SCAMP1: variants seen among roughly 807,000 people sequenced by gnomAD.
SCAMP1 encodes the protein secretory carrier membrane protein 1.
A neutral mutation model predicts 41.8 loss-of-function variants in SCAMP1; 15 were observed. The ratio of observed to expected loss-of-function variants is 0.36; its 90% CI spans 0.24 to 0.55. SCAMP1 has a LOEUF of 0.55. Among genes scored for constraint, SCAMP1 ranks in the 20% least tolerant of loss-of-function variants. SCAMP1 has a pLI of 0.86. For missense variants in SCAMP1, 341 were observed against 412.6 expected (o/e 0.83, Z 1.50); for synonymous variants, 135 against 136.8 (o/e 0.99, Z 0.09).
At chr5:78,428,339 T>C (rs1483361404) in intron 6 of SCAMP1, among the ~76,000 whole-genome samples, 1 of 152,180 alleles carries the variant, frequency 6.6e-6, no homozygotes, top group Non-Finnish European at 1.5e-5. Flanking sequence ...TTTTTGTACT[T>C]CTGTTGAAAA....
intron 6 of SCAMP1, among the ~76,000 whole-genome samples, chr5:78,442,929 G>T (rs1432899518): frequency 1.3e-5 from 2 of 152,178 alleles, no homozygotes; most frequent in African/African-American, 4.8e-5. Flanking sequence ...GCTTAAGGCT[G>T]GGTGCCATGG....
chr5:78,416,332 C>T (rs1031273352), intron 3 of SCAMP1, among the ~76,000 whole-genome samples: 10 of 152,150 alleles, frequency 6.6e-5, no homozygotes, highest in African/African-American at 2.4e-4. Context: ...ACCCAACATT[C>T]CCACTGAGAG....
chr5:78,466,990 G>T (rs1382731943), intron 8 of SCAMP1, among the ~76,000 whole-genome samples: 3 of 152,126 alleles, frequency 2.0e-5, no homozygotes, highest in Non-Finnish European at 4.4e-5. Flanking sequence ...TTAGATGATG[G>T]ACCATTCAAG....
At chr5:78,475,384 C>T in intron 8 of SCAMP1, 120 bp from the exon 9 acceptor site, 1 of 611,374 alleles carries the variant, frequency 1.6e-6, no homozygotes, top group Admixed American at 4.0e-5. Context: ...TATTCTTGAT[C>T]TTAGGAATCA....
intron 6 of SCAMP1, among the ~76,000 whole-genome samples, chr5:78,435,232 GT>G (rs1382559705): frequency 6.6e-6 from 1 of 151,946 alleles, no homozygotes; most frequent in African/African-American, 2.4e-5. Flanking sequence ...CAATATGAAG[GT>G]TTTTTTTAAT....
At chr5:78,391,291 C>G (rs1241264468) in intron 2 of SCAMP1, among the ~76,000 whole-genome samples, 2 of 150,514 alleles carry the variant, frequency 1.3e-5, no homozygotes, top group Non-Finnish European at 3.0e-5. Context: ...GCTGACCCCC[C>G]CACCTCCCTC....
rs560267689 is a variant in SCAMP1 at position 78,422,825 on chromosome 5, A to T, written c.632+865A>T. On this transcript the variant is annotated intron_variant, in intron 6 of 8. Coordinates refer to ENST00000621999, the MANE Select transcript of SCAMP1 (RefSeq NM_004866.6). ...TAATAGTTTTTTTAAACTCATTTTT[A>T]TTTGAGTAAATTCTTGTGAATAACC... Among the ~76,000 whole-genome samples the T allele has an allele frequency of 3.6e-3, 549 of 152,270 alleles. 6 individuals are homozygous for T. The highest frequency in any genetic ancestry group is 0.013 in the African/African-American group (531 of 41,552).
At chr5:78,444,098 T>C (rs1752997276) in intron 6 of SCAMP1, among the ~76,000 whole-genome samples, 1 of 152,076 alleles carries the variant, frequency 6.6e-6, no homozygotes, top group African/African-American at 2.4e-5. Context: ...ACTAATAGAC[T>C]CCCTATTCTG....
intron 5 of SCAMP1, among the ~76,000 whole-genome samples, chr5:78,419,318 A>C (rs1752283502): frequency 6.6e-6 from 1 of 152,252 alleles, no homozygotes; most frequent in African/African-American, 2.4e-5. Flanking sequence ...AAAAGGGCAT[A>C]AAATTATTAC....
In SCAMP1 at chr5:78,418,851, C is replaced by T; in HGVS notation, c.420C>T (p.Asp140=). ...GPCFYQDFSV[D]IPVEFQKTVK... is the part of the protein sequence containing the mutation. Reference sequence around the variant, plus strand: ...GTTTCTATCAGGATTTTTCTGTAGACATTCCTGTAGAATTCCAAAAGACAG... The same window carrying T: ...GTTTCTATCAGGATTTTTCTGTAGATATTCCTGTAGAATTCCAAAAGACAG... Residue 140 remains aspartate, a synonymous_variant, in exon 5 of 9, where the codon GAC becomes GAT. Transcript: ENST00000621999. The T allele has an allele frequency of 6.3e-7, 1 of 1,580,720 alleles. No homozygotes were observed. The highest frequency in any genetic ancestry group is 8.6e-7 in the Non-Finnish European group (1 of 1,161,580).
intron 2 of SCAMP1, among the ~76,000 whole-genome samples, chr5:78,412,249 T>A (rs1459740488): frequency 6.6e-6 from 1 of 152,120 alleles, no homozygotes; most frequent in Non-Finnish European, 1.5e-5. Flanking sequence ...ATATATTACC[T>A]TTTCATTATG....
intron 6 of SCAMP1, among the ~76,000 whole-genome samples, chr5:78,445,953 G>A (rs917500070): frequency 2.6e-5 from 4 of 152,102 alleles, no homozygotes; most frequent in African/African-American, 7.2e-5. Flanking sequence ...ATAATTATTC[G>A]TATTAACGGT....
chr5:78,466,952 A>G (rs1035365551), intron 8 of SCAMP1, among the ~76,000 whole-genome samples: 2 of 152,184 alleles, frequency 1.3e-5, no homozygotes, highest in South Asian at 4.2e-4. Flanking sequence ...AGGGGACAAG[A>G]TAAGACTCAA....
intron 6 of SCAMP1, among the ~76,000 whole-genome samples, chr5:78,429,213 C>G (rs978024605): frequency 2.0e-5 from 3 of 151,930 alleles, no homozygotes; most frequent in Admixed American, 6.6e-5. Flanking sequence ...GGAGTAACAT[C>G]CATGCCTTAT....
chr5:78,395,407 T>C (rs1751626897), intron 2 of SCAMP1, among the ~76,000 whole-genome samples: 1 of 152,224 alleles, frequency 6.6e-6, no homozygotes. Context: ...GTTTATCCCC[T>C]TCAATGGATC....
At chr5:78,414,436 C>T (rs1367225704) in intron 2 of SCAMP1, among the ~76,000 whole-genome samples, 1 of 152,106 alleles carries the variant, frequency 6.6e-6, no homozygotes, top group African/African-American at 2.4e-5. Flanking sequence ...GCGCCCGCCG[C>T]CACACCTGGC....
chr5:78,464,747 A>G (rs1157808142), intron 8 of SCAMP1, among the ~76,000 whole-genome samples: 1 of 152,124 alleles, frequency 6.6e-6, no homozygotes, highest in African/African-American at 2.4e-5. Context: ...TTAATAACCT[A>G]ATGATGAAAT....
chr5:78,415,000 C>T (rs1200901225), intron 2 of SCAMP1, among the ~76,000 whole-genome samples: 1 of 150,164 alleles, frequency 6.7e-6, no homozygotes, highest in Non-Finnish European at 1.5e-5. Context: ...GTTGCCCAGG[C>T]TGGAGTGCAG....
At chr5:78,378,859 C>A (rs1343277286) in intron 1 of SCAMP1, among the ~76,000 whole-genome samples, 2 of 152,148 alleles carry the variant, frequency 1.3e-5, no homozygotes, top group African/African-American at 4.8e-5. Context: ...AGAATCTTTT[C>A]CTTATTAGAA....
Sources: allele counts gnomAD v4.1 joint callset (sites outside exome capture counted in the v4.1 genomes callset), GRCh38; gene constraint gnomAD v4.1.1; transcripts MANE v1.5; gene names NCBI Gene and HGNC (gene_info 2026-07-23, HGNC 2026-07-21).